Variants in GPD2 observed in about 807,000 individuals in gnomAD.
GPD2 encodes glycerol-3-phosphate dehydrogenase, mitochondrial.
In GPD2, 54 loss-of-function variants were observed where a neutral mutation model predicts 82.4. The ratio of observed to expected loss-of-function variants is 0.66; its 90% CI spans 0.53 to 0.82. The LOEUF (loss-of-function observed/expected upper bound fraction) is 0.82, where lower values mean the gene tolerates loss of function less well. Among genes scored for constraint, GPD2 ranks in the 40% least tolerant of loss-of-function variants. The pLI is 0.00. For missense variants in GPD2, 748 were observed against 896.2 expected, an observed-to-expected ratio of 0.83 and a Z score of 2.11; for synonymous variants, 288 against 306.1, an observed-to-expected ratio of 0.94 and a Z score of 0.62.
chr2:156,531,334 G>A (rs1685850675), intron 6 of GPD2, among the ~76,000 whole-genome samples: 1 of 152,146 alleles, frequency 6.6e-6, no homozygotes, highest in African/African-American at 2.4e-5. Context: ...TGCTTTTGAT[G>A]TTCTCATCCC....
At chr2:156,483,121 C>CAA (rs757197621) in intron 2 of GPD2, among the ~76,000 whole-genome samples, 8 of 136,134 alleles carry the variant, frequency 5.9e-5, no homozygotes, top group Non-Finnish European at 1.1e-4. Context: ...AAGCAAAAAA[C>CAA]AAAAAAAAAA....
chr2:156,561,555 T>G (rs1382714099), intron 9 of GPD2, among the ~76,000 whole-genome samples: 1 of 152,202 alleles, frequency 6.6e-6, no homozygotes, highest in Non-Finnish European at 1.5e-5. Context: ...CAATGACCTT[T>G]GCTCTGCACT....
chr2:156,401,243 C>T, the GPD2 span, among the ~76,000 whole-genome samples: 4 of 152,164 alleles, frequency 2.6e-5, no homozygotes, highest in Admixed American at 6.5e-5. Context: ...TTTTCTATTG[C>T]TTACTAGAAG....
chr2:156,513,707 T>C (rs1685090804), intron 6 of GPD2, among the ~76,000 whole-genome samples: 1 of 152,222 alleles, frequency 6.6e-6, no homozygotes, highest in South Asian at 2.1e-4. Context: ...TTATTTTACA[T>C]ATTTGTTTTC....
At chr2:156,549,410 A>G (rs926415147) in intron 6 of GPD2, among the ~76,000 whole-genome samples, 198 bp from the exon 7 acceptor site, 4 of 152,210 alleles carry the variant, frequency 2.6e-5, no homozygotes, top group African/African-American at 9.6e-5. Context: ...CACGAAATGC[A>G]CTTGCTGAAG....
intron 9 of GPD2, among the ~76,000 whole-genome samples, chr2:156,566,424 C>A (rs1687393630): frequency 6.6e-6 from 1 of 152,104 alleles, no homozygotes; most frequent in Non-Finnish European, 1.5e-5. Flanking sequence ...ACTTTCTGCT[C>A]CTATGAGTTT....
intron 8 of GPD2, among the ~76,000 whole-genome samples, chr2:156,556,154 A>G (rs1686954237): frequency 6.6e-6 from 1 of 152,120 alleles, no homozygotes; most frequent in South Asian, 2.1e-4. Flanking sequence ...ATGTTAAGGG[A>G]ATGATGATAA....
chr2:156,430,193 A>G, the GPD2 span, among the ~76,000 whole-genome samples: 1 of 152,202 alleles, frequency 6.6e-6, no homozygotes, highest in Non-Finnish European at 1.5e-5. Context: ...TGACATTGGT[A>G]ATAGTTCTAT....
chr2:156,565,377 A>T (rs978456857), intron 9 of GPD2, among the ~76,000 whole-genome samples: 1 of 152,122 alleles, frequency 6.6e-6, no homozygotes, highest in Admixed American at 6.6e-5. Context: ...ACTTTTTACA[A>T]CTTGTTTTGA....
intron 6 of GPD2, among the ~76,000 whole-genome samples, chr2:156,546,586 G>T (rs948614585): frequency 6.6e-6 from 1 of 152,144 alleles, no homozygotes; most frequent in African/African-American, 2.4e-5. Flanking sequence ...CTGGGAAGAC[G>T]AGGATTGCTG....
At chr2:156,579,264 A>G (rs1274415050) in intron 15 of GPD2, 100 bp downstream of exon 15, 3 of 735,760 alleles carry the variant, frequency 4.1e-6, no homozygotes, top group Non-Finnish European at 7.1e-6. Flanking sequence ...TATTTTTGTT[A>G]TAATTTTTAA....
chr2:156,437,827 C>A (rs1429837028), intron 1 of GPD2, among the ~76,000 whole-genome samples: 2 of 152,150 alleles, frequency 1.3e-5, no homozygotes, highest in East Asian at 3.9e-4. Context: ...CACAGTGTTA[C>A]CAATTGTTAG....
intron 1 of GPD2, among the ~76,000 whole-genome samples, chr2:156,468,037 G>A (rs894940120): frequency 6.6e-6 from 1 of 152,040 alleles, no homozygotes; most frequent in African/African-American, 2.4e-5. Context: ...TTACTTGTCT[G>A]AGTAAGCACT....
rs1434125091 is a variant in GPD2, at chr2:156,550,745, A to G, written c.970A>G (p.Ser324Gly). Residue 324 changes from serine to glycine, a missense_variant and splice_region_variant, in exon 8 of 17, where the codon AGC becomes GGC. Ser to Gly is a moderately conservative substitution (Grantham distance 56). Coordinates refer to ENST00000438166, the MANE Select transcript of GPD2 (RefSeq NM_000408.5). The stretch of plus-strand genomic sequence containing the variant: ...CCATATTGTGATGCCTGGTTATTAC[A>G]GGTAATTGTCTTCCAATGTGGCAGT... ...GVHIVMPGYY[S>G]PESMGLLDPA... 1 of 1,612,954 alleles carries G rather than the reference A, an allele frequency of 6.2e-7. No individual in the cohort carries two copies. The highest frequency in any genetic ancestry group is 8.5e-7 in the Non-Finnish European group (1 of 1,179,012).
At chr2:156,580,454 A>C (rs79434668) in intron 16 of GPD2, among the ~76,000 whole-genome samples, 5,145 of 152,270 alleles carry the variant, frequency 0.034, 298 homozygotes, top group African/African-American at 0.12. Context: ...TCTTAAAAGA[A>C]ATTTCAACAA....
At chr2:156,418,515 G>A in the GPD2 span, among the ~76,000 whole-genome samples, 9 of 152,168 alleles carry the variant, frequency 5.9e-5, no homozygotes, top group Non-Finnish European at 1.2e-4. Flanking sequence ...TGAATTATGC[G>A]ATAGCAACCA....
intron 8 of GPD2, among the ~76,000 whole-genome samples, chr2:156,556,085 T>G (rs1686951615): frequency 6.6e-6 from 1 of 152,178 alleles, no homozygotes; most frequent in African/African-American, 2.4e-5. Context: ...TTATCATTAT[T>G]TTTTACACAG....
chr2:156,548,959 A>T (rs942660622), intron 6 of GPD2, among the ~76,000 whole-genome samples: 1 of 151,844 alleles, frequency 6.6e-6, no homozygotes, highest in African/African-American at 2.4e-5. Context: ...TTTAACTAGG[A>T]TTTTTCAGCA....
At chr2:156,470,036 A>G (rs892217343) in intron 1 of GPD2, among the ~76,000 whole-genome samples, 1 of 152,070 alleles carries the variant, frequency 6.6e-6, no homozygotes, top group Non-Finnish European at 1.5e-5. Context: ...GCCCATTTTT[A>G]TGGTTATTTC....
Sources: allele counts gnomAD v4.1 joint callset (sites outside exome capture counted in the v4.1 genomes callset), GRCh38; gene constraint gnomAD v4.1.1; transcripts MANE v1.5; gene names NCBI Gene and HGNC (gene_info 2026-07-23, HGNC 2026-07-21).